Variants in CD33 observed in about 807,000 individuals in gnomAD.
CD33 encodes CD33 molecule.
A neutral mutation model predicts 31.4 loss-of-function variants in CD33; 25 were observed. The ratio of observed to expected loss-of-function variants is 0.80; its 90% confidence interval spans 0.58 to 1.11. The LOEUF (loss-of-function observed/expected upper bound fraction) is 1.11. CD33 is among the 50% of genes most tolerant of loss of function. CD33 has a pLI of 0.00. For missense variants in CD33, 407 were observed against 448.1 expected (o/e 0.91, Z 0.83); for synonymous variants, 176 against 180.6 (o/e 0.97, Z 0.20).
At chr19:51,239,462 C>A in intron 6 of CD33, 56 bp from the exon 7 acceptor site, 1 of 1,385,730 alleles carries the variant, frequency 7.2e-7, no homozygotes, top group Non-Finnish European at 9.7e-7. Flanking sequence ...TCTTTGCCTT[C>A]TCCTGGTCCC....
At position 51,225,816 on chromosome 19, in the gene CD33, G is replaced by A. The variant is rs2123189296; in HGVS notation, c.432G>A (p.Arg144=). 2 of 1,613,592 alleles carry A rather than the reference G, an allele frequency of 1.2e-6. No homozygotes were observed. The highest frequency in any genetic ancestry group is 1.7e-6 in the Non-Finnish European group (2 of 1,179,754). Residue 144 remains arginine, a synonymous_variant, in exon 3 of 7, where the codon AGG becomes AGA. Transcript: ENST00000262262. ...LSVHVTDLTH[R]PKILIPGTLE... ...TCTCCTCACTAGACTTGACCCACAG[G>A]CCCAAAATCCTCATCCCTGGCACTC...
At chr19:51,239,100 G>T (rs1187251354) in intron 6 of CD33, 2 of 155,132 alleles carry the variant, frequency 1.3e-5, no homozygotes, top group African/African-American at 4.8e-5. Context: ...CCCCTGCTCT[G>T]CTCTGCTCCC....
chr19:51,230,663 A>G (rs1344494851), intron 4 of CD33, among the ~76,000 whole-genome samples: 1 of 152,170 alleles, frequency 6.6e-6, no homozygotes. Flanking sequence ...TTTGTCTGAG[A>G]TAAGTATAGC....
chr19:51,222,762 C>T (rs1446005480), upstream of CD33, among the ~76,000 whole-genome samples: 3 of 152,144 alleles, frequency 2.0e-5, no homozygotes, highest in Non-Finnish European at 4.4e-5. Flanking sequence ...AGTATACAGG[C>T]TGTACATACT....
At chr19:51,218,012 T>C in the CD33 span, among the ~76,000 whole-genome samples, 3 of 152,238 alleles carry the variant, frequency 2.0e-5, no homozygotes, top group East Asian at 3.8e-4. Context: ...AGTGCAGGTA[T>C]GTTTTTGATA....
At chr19:51,235,747 G>A (rs1391025347) in intron 6 of CD33, 71 bp downstream of exon 6, 6 of 1,203,204 alleles carry the variant, frequency 5.0e-6, no homozygotes, top group Admixed American at 1.9e-5. Flanking sequence ...CCACCGTCAT[G>A]CCCCATTCAG....
chr19:51,229,621 G>A (rs1042284460), intron 4 of CD33, among the ~76,000 whole-genome samples: 5 of 151,824 alleles, frequency 3.3e-5, no homozygotes, highest in South Asian at 2.1e-4. Flanking sequence ...ATTCAATCTC[G>A]GTAGATTATA....
chr19:51,223,770 T>C (rs1184770559), upstream of CD33, among the ~76,000 whole-genome samples: 2 of 152,224 alleles, frequency 1.3e-5, no homozygotes, highest in African/African-American at 2.4e-5. Context: ...GGAGATGTCA[T>C]TGACACTGTG....
chr19:51,230,176 C>CA (rs55888603), intron 4 of CD33, among the ~76,000 whole-genome samples: 152,284 of 152,296 alleles, frequency 1, 76,136 homozygotes, highest in Middle Eastern at 1. Context: ...GTATAGTTTG[C>CA]ATGTTTCCCT....
At chr19:51,217,625 G>T in the CD33 span, among the ~76,000 whole-genome samples, 6,554 of 152,080 alleles carry the variant, frequency 0.043, 217 homozygotes, top group Non-Finnish European at 0.064. Context: ...CACCATGTTG[G>T]TCAGGCTGGT....
chr19:51,220,525 T>A (rs999941642), upstream of CD33, among the ~76,000 whole-genome samples: 1 of 152,204 alleles, frequency 6.6e-6, no homozygotes, highest in African/African-American at 2.4e-5. Flanking sequence ...TCTGTGTATA[T>A]CACATCTCCC....
the CD33 span, among the ~76,000 whole-genome samples, chr19:51,216,567 G>T: frequency 6.6e-6 from 1 of 151,928 alleles, no homozygotes; most frequent in Non-Finnish European, 1.5e-5. Context: ...AATTAGGTGG[G>T]CATGGTGGCA....
the CD33 span, among the ~76,000 whole-genome samples, chr19:51,214,902 C>A: frequency 1.3e-4 from 20 of 152,190 alleles, no homozygotes; most frequent in Non-Finnish European, 2.1e-4. Flanking sequence ...TTATGGTAAG[C>A]CCTGGGCTCA....
At chr19:51,211,819 T>A in the CD33 span, 1 of 962,902 alleles carries the variant, frequency 1.0e-6, no homozygotes, top group Non-Finnish European at 1.7e-6. Flanking sequence ...AGCATCTTCA[T>A]CCCGAGGACC....
At chr19:51,229,271 A>G (rs1981244059) in intron 4 of CD33, among the ~76,000 whole-genome samples, 1 of 151,646 alleles carries the variant, frequency 6.6e-6, no homozygotes, top group African/African-American at 2.4e-5. Flanking sequence ...TATCTTTTTG[A>G]TGTATTGTTG....
chr19:51,220,155 A>AT (rs943181777), upstream of CD33, among the ~76,000 whole-genome samples: 3 of 151,834 alleles, frequency 2.0e-5, no homozygotes, highest in Non-Finnish European at 2.9e-5. Context: ...TTGTTGAGAG[A>AT]TTTTTTTCTA....
At chr19:51,236,918 T>G (rs1239785528) in intron 6 of CD33, 1 of 152,286 alleles carries the variant, frequency 6.6e-6, no homozygotes, top group Non-Finnish European at 1.5e-5. Flanking sequence ...GTCCCATCAT[T>G]CCCAAGTTTG....
chr19:51,235,780 G>A (rs961583756), intron 6 of CD33, 104 bp downstream of exon 6: 5 of 955,222 alleles, frequency 5.2e-6, no homozygotes, highest in Non-Finnish European at 5.0e-6. Context: ...TGAGCTTATT[G>A]TCTTTCCTCC....
chr19:51,225,044 C>T (rs1980881379), upstream of CD33: 2 of 1,577,844 alleles, frequency 1.3e-6, no homozygotes, highest in Non-Finnish European at 1.7e-6. Flanking sequence ...TCCTGTCCGG[C>T]CCTGTAGTCC....
Sources: allele counts gnomAD v4.1 joint callset (sites outside exome capture counted in the v4.1 genomes callset), GRCh38; gene constraint gnomAD v4.1.1; transcripts MANE v1.5; gene names NCBI Gene and HGNC (gene_info 2026-07-23, HGNC 2026-07-21).